NEK6: variants seen among roughly 807,000 people sequenced by gnomAD.
NEK6 encodes the protein serine/threonine-protein kinase Nek6.
Under a neutral mutation model 43.5 loss-of-function variants are expected in NEK6, and 27 were observed. That is an observed-to-expected ratio of 0.62 (90% CI 0.46 to 0.86). The LOEUF is 0.86. Among genes scored for constraint, NEK6 ranks in the 40% least tolerant of loss-of-function variants. NEK6 has a pLI of 0.00. For synonymous variants in NEK6, 167 were observed against 164.1 expected (o/e 1.02, Z -0.14); for missense variants, 318 against 414.4 (o/e 0.77, Z 2.02).
intron 7 of NEK6, among the ~76,000 whole-genome samples, chr9:124,330,413 C>T (rs934711631): frequency 3.3e-5 from 5 of 152,174 alleles, no homozygotes; most frequent in African/African-American, 1.2e-4. Flanking sequence ...AGACAAATCA[C>T]GGGGCTGGGA....
intron 5 of NEK6, among the ~76,000 whole-genome samples, chr9:124,325,781 G>A (rs144693800): frequency 3.2e-4 from 48 of 152,208 alleles, no homozygotes; most frequent in African/African-American, 1.0e-3. Flanking sequence ...TTTTGAGTGC[G>A]TCAAGCCCAT....
intron 7 of NEK6, among the ~76,000 whole-genome samples, chr9:124,332,850 T>G (rs1262466882): frequency 6.6e-6 from 1 of 152,110 alleles, no homozygotes; most frequent in Admixed American, 6.5e-5. Flanking sequence ...AGGTAAAGAT[T>G]CCGGGAAGGT....
intron 6 of NEK6, 133 bp from the exon 7 acceptor site, chr9:124,327,205 G>A (rs1188017357): frequency 5.6e-6 from 4 of 714,502 alleles, no homozygotes; most frequent in Admixed American, 2.3e-5. Flanking sequence ...CCCACAGCCA[G>A]AGCCAGGACA....
At chr9:124,309,992 A>G (rs1015229423) in intron 2 of NEK6, among the ~76,000 whole-genome samples, 3 of 152,180 alleles carry the variant, frequency 2.0e-5, no homozygotes, top group African/African-American at 7.2e-5. Context: ...GGCCTGGGGC[A>G]GGGCTCAGGT....
At chr9:124,297,861 G>T (rs1481445078) in intron 1 of NEK6, among the ~76,000 whole-genome samples, 1 of 152,138 alleles carries the variant, frequency 6.6e-6, no homozygotes, top group South Asian at 2.1e-4. Flanking sequence ...CGTCCCCTTT[G>T]CCTTGGCCTT....
chr9:124,292,646 T>TC, intron 1 of NEK6: 1 of 1,414,938 alleles, frequency 7.1e-7, no homozygotes. Context: ...TGCTCTGAAA[T>TC]CCATCCCTTC....
chr9:124,341,902 G>A (rs1172153698), intron 8 of NEK6, among the ~76,000 whole-genome samples: 1 of 152,194 alleles, frequency 6.6e-6, no homozygotes, highest in Non-Finnish European at 1.5e-5. Flanking sequence ...CCCCGGGGAG[G>A]GTGCGTGCCT....
upstream of NEK6, chr9:124,257,938 G>A: frequency 1.0e-6 from 1 of 975,346 alleles, no homozygotes; most frequent in Non-Finnish European, 1.2e-6. Flanking sequence ...CGGGCGCGCG[G>A]GCCCGCGCAG....
chr9:124,266,245 T>A (rs1831223019), intron 1 of NEK6, among the ~76,000 whole-genome samples: 1 of 152,176 alleles, frequency 6.6e-6, no homozygotes, highest in South Asian at 2.1e-4. Context: ...GTGGGCCATG[T>A]TCTAATCTAA....
intron 3 of NEK6, among the ~76,000 whole-genome samples, chr9:124,313,435 TC>T (rs756228790): frequency 1.3e-4 from 19 of 151,940 alleles, no homozygotes; most frequent in Non-Finnish European, 2.5e-4. Flanking sequence ...AGTGGCGTGA[TC>T]AGCTCACTGC....
At chr9:124,301,243 C>T (rs1832957017) in intron 1 of NEK6, among the ~76,000 whole-genome samples, 1 of 152,178 alleles carries the variant, frequency 6.6e-6, no homozygotes, top group South Asian at 2.1e-4. Context: ...GAGCTCAGGA[C>T]TGGGCACACA....
chr9:124,289,187 C>CCACACACACACA (rs60402648), intron 1 of NEK6, among the ~76,000 whole-genome samples: 1 of 46,026 alleles, frequency 2.2e-5, no homozygotes, highest in African/African-American at 1.3e-4. Flanking sequence ...CCCCCCCCCG[C>CCACACACACACA]CACACACACA....
intron 7 of NEK6, among the ~76,000 whole-genome samples, chr9:124,333,161 C>T (rs1037344721): frequency 1.3e-5 from 2 of 152,234 alleles, no homozygotes; most frequent in Non-Finnish European, 1.5e-5. Flanking sequence ...CCGCTGCAAG[C>T]TGGGGGTTTC....
rs761615394 is a variant in NEK6 at position 124,347,839 on chromosome 9, C to T, written c.831+17C>T. On this transcript the variant is annotated intron_variant, in intron 9 of 9. Transcript: ENST00000320246. ...TCCGAGAAGGTGAGTTTGCAGGAGC[C>T]GGAGGCCTCGCCAGCCCCAGGAGGC... 5.8e-6 allele frequency: 9 copies of T among 1,550,590 alleles called. No individual in the cohort carries two copies. The highest frequency in any genetic ancestry group is 1.7e-4 in the Middle Eastern group (1 of 5,902).
rs530530380 is a variant in NEK6, at chr9:124,299,189, A to C, written c.-29-2747A>C. ...GGTGGGCGGGTAAGCCGATGTGTGCATGGGTCTCGCAGGGGTGACCTGTGG... is the reference window on the plus strand; with the variant it reads ...GGTGGGCGGGTAAGCCGATGTGTGCCTGGGTCTCGCAGGGGTGACCTGTGG... On this transcript the variant is annotated intron_variant, in intron 1 of 9. Transcript: ENST00000320246. 3.6e-4 allele frequency among the ~76,000 whole-genome samples: 55 copies of C among 152,328 alleles called. 1 individual carries two copies. The highest frequency in any genetic ancestry group is 1.3e-3 in the African/African-American group (54 of 41,580).
At chr9:124,272,999 G>A (rs138888651) in intron 1 of NEK6, among the ~76,000 whole-genome samples, 182 of 152,336 alleles carry the variant, frequency 1.2e-3, no homozygotes, top group South Asian at 5.0e-3. Context: ...AGCGGCCCAT[G>A]TGTCAGGGCT....
chr9:124,340,788 C>T (rs1829569107), intron 8 of NEK6, among the ~76,000 whole-genome samples: 1 of 152,238 alleles, frequency 6.6e-6, no homozygotes, highest in Admixed American at 6.5e-5. Context: ...TCGAGTGCTG[C>T]GCAGTTGTCC....
chr9:124,288,911 C>T (rs887021944), intron 1 of NEK6, among the ~76,000 whole-genome samples: 5 of 152,132 alleles, frequency 3.3e-5, no homozygotes, highest in Non-Finnish European at 7.3e-5. Flanking sequence ...CATTGCCCCA[C>T]GTTGAAATTA....
At chr9:124,295,886 C>T (rs1286640659) in intron 1 of NEK6, among the ~76,000 whole-genome samples, 1 of 152,228 alleles carries the variant, frequency 6.6e-6, no homozygotes, top group Admixed American at 6.5e-5. Context: ...TGTGTGGACT[C>T]AACTTTGGCA....
Sources: allele counts gnomAD v4.1 joint callset (sites outside exome capture counted in the v4.1 genomes callset), GRCh38; gene constraint gnomAD v4.1.1; transcripts MANE v1.5; gene names NCBI Gene and HGNC (gene_info 2026-07-23, HGNC 2026-07-21).